Variants in ALDH18A1 observed in about 807,000 individuals in gnomAD.
ALDH18A1 encodes the protein delta-1-pyrroline-5-carboxylate synthase.
Under a neutral mutation model 88.8 loss-of-function variants are expected in ALDH18A1, and 44 were observed. The ratio of observed to expected loss-of-function variants is 0.50; its 90% confidence interval spans 0.39 to 0.64. ALDH18A1 has a LOEUF of 0.64. ALDH18A1 is among the 30% of genes least tolerant of loss of function. ALDH18A1 has a pLI of 0.00. For missense variants in ALDH18A1, 782 were observed against 1,009.5 expected, an observed-to-expected ratio of 0.77 and a Z score of 3.05; for synonymous variants, 331 against 372.1, an observed-to-expected ratio of 0.89 and a Z score of 1.27.
intron 2 of ALDH18A1, among the ~76,000 whole-genome samples, chr10:95,645,666 T>A (rs768386409): frequency 6.6e-6 from 1 of 152,166 alleles, no homozygotes; most frequent in South Asian, 2.1e-4. Context: ...TTCAGGTTTG[T>A]GGAGATATAA....
intron 5 of ALDH18A1, among the ~76,000 whole-genome samples, chr10:95,635,401 A>C (rs2097878766): frequency 6.6e-6 from 1 of 152,198 alleles, no homozygotes; most frequent in South Asian, 2.1e-4. Context: ...GGTAGGAGAT[A>C]AAGAGTCCCA....
At chr10:95,646,981 C>T (rs1048938092) in intron 2 of ALDH18A1, among the ~76,000 whole-genome samples, 1 of 152,188 alleles carries the variant, frequency 6.6e-6, no homozygotes, top group Non-Finnish European at 1.5e-5. Flanking sequence ...CCAGACATGA[C>T]TACTCTTTTT....
intron 7 of ALDH18A1, among the ~76,000 whole-genome samples, chr10:95,629,150 T>C (rs573484816): frequency 1.3e-5 from 2 of 152,226 alleles, no homozygotes; most frequent in East Asian, 3.9e-4. Flanking sequence ...CAATCCAAGA[T>C]GAAAAACCCT....
chr10:95,647,360 C>T (rs907024516), intron 2 of ALDH18A1, among the ~76,000 whole-genome samples: 5 of 152,170 alleles, frequency 3.3e-5, no homozygotes, highest in African/African-American at 1.2e-4. Flanking sequence ...CCTTAACTAT[C>T]TCATAAGGTT....
intron 2 of ALDH18A1, among the ~76,000 whole-genome samples, chr10:95,646,674 G>C (rs1252477253): frequency 6.6e-6 from 1 of 152,108 alleles, no homozygotes; most frequent in Non-Finnish European, 1.5e-5. Flanking sequence ...GCCTTGATTA[G>C]TTAGGAAAAT....
intron 13 of ALDH18A1, among the ~76,000 whole-genome samples, chr10:95,614,558 C>T (rs1302459630): frequency 6.6e-6 from 1 of 152,168 alleles, no homozygotes; most frequent in Non-Finnish European, 1.5e-5. Context: ...CCATGAAGAT[C>T]ACAAAAGGGA....
intron 3 of ALDH18A1, among the ~76,000 whole-genome samples, chr10:95,637,785 A>G (rs2097883604): frequency 6.6e-6 from 1 of 152,122 alleles, no homozygotes; most frequent in African/African-American, 2.4e-5. Context: ...CCCAGGCAAC[A>G]TGGCAAGACC....
At chr10:95,647,398 A>C (rs1370769713) in intron 2 of ALDH18A1, among the ~76,000 whole-genome samples, 1 of 152,238 alleles carries the variant, frequency 6.6e-6, no homozygotes, top group East Asian at 1.9e-4. Context: ...AAGTTCATGC[A>C]TGAACAGAGA....
rs368135503 is a variant in ALDH18A1, at chr10:95,611,229, G to A, written c.2110+27C>T. ...TCAGAAAGCAGCAAAGGCAGACACT[G>A]TATGCGGGAAGCATCTGGACACTGA... On this transcript the variant is annotated intron_variant, in intron 16 of 17. Coordinates refer to ENST00000371224, the MANE Select transcript of ALDH18A1 (RefSeq NM_002860.4). 9 of 1,612,944 alleles carry A rather than the reference G, an allele frequency of 5.6e-6. No individual in the cohort carries two copies. The African/African-American group carries it at 1.1e-4, about 19-fold the overall frequency.
chr10:95,638,869 C>T (rs984333997), intron 3 of ALDH18A1, among the ~76,000 whole-genome samples: 1 of 151,338 alleles, frequency 6.6e-6, no homozygotes, highest in Non-Finnish European at 1.5e-5. Context: ...TGATTTAAAA[C>T]AATAATAACT....
In ALDH18A1 at chr10:95,621,266, A is replaced by G. The variant is rs1264776697; in HGVS notation, c.1247-15T>C. On this transcript the variant is annotated splice_polypyrimidine_tract_variant and intron_variant, in intron 11 of 17. Coordinates refer to ENST00000371224, the MANE Select transcript of ALDH18A1 (RefSeq NM_002860.4). ...TGCAAGTCTCCCTGAAAAGCCATTA[A>G]GAGGATATGATAAAGTAGCAGACCT... The G allele has an allele frequency of 6.2e-7, 1 of 1,605,928 alleles. No homozygotes were observed. Among genetic ancestry groups the G allele is most frequent in the South Asian group, 1.1e-5 (1 of 90,286 alleles).
Position 95,616,718 on chromosome 10 carries a change from TCATTTTAGAAGG to T in ALDH18A1, c.1468-116_1468-105del, listed in dbSNP as rs1589492783. ...CCTTCTGTGCTAAGCACTGTGTTCA[TCATTTTAGAAGG>T]CCTATGCTGTTTCATCTTCACAACA... is the stretch of plus-strand genomic sequence containing the variant. On this transcript the variant is annotated intron_variant, in intron 12 of 17. Transcript: ENST00000371224. 10 of 1,443,852 alleles carry T rather than the reference TCATTTTAGAAGG, an allele frequency of 6.9e-6. No homozygotes were observed. In the East Asian group the frequency reaches 2.5e-4, roughly 35 times the overall value. The allele number at this position is 1,443,852 out of a possible 1,614,324, so 89.4% of individuals were successfully genotyped here.
intron 3 of ALDH18A1, among the ~76,000 whole-genome samples, chr10:95,637,754 A>C (rs1458976012): frequency 2.0e-5 from 3 of 152,178 alleles, no homozygotes; most frequent in Non-Finnish European, 4.4e-5. Flanking sequence ...ACAATGCCTG[A>C]GCCCAGGAGG....
intron 7 of ALDH18A1, 108 bp downstream of exon 7, chr10:95,632,851 A>G: frequency 1.0e-6 from 1 of 957,112 alleles, no homozygotes; most frequent in East Asian, 2.6e-5. Flanking sequence ...CTAATGATCT[A>G]TAGCAAAAAA....
chr10:95,646,712 C>T (rs2097901914), intron 2 of ALDH18A1, among the ~76,000 whole-genome samples: 1 of 152,124 alleles, frequency 6.6e-6, no homozygotes, highest in Admixed American at 6.6e-5. Context: ...ATAATTGTTT[C>T]CCATCTTCTA....
At chr10:95,641,099 T>C (rs1169134792) in intron 3 of ALDH18A1, among the ~76,000 whole-genome samples, 1 of 102,846 alleles carries the variant, frequency 9.7e-6, no homozygotes, top group Non-Finnish European at 2.4e-5. Context: ...ATTGCACAAC[T>C]GCAGGGGCAC....
intron 3 of ALDH18A1, among the ~76,000 whole-genome samples, chr10:95,639,892 A>T (rs765841805): frequency 6.7e-6 from 1 of 148,706 alleles, no homozygotes; most frequent in East Asian, 1.9e-4. Flanking sequence ...CTCTTTGTAT[A>T]CCCTATAAAC....
At chr10:95,635,450 G>A (rs1462922058) in intron 5 of ALDH18A1, among the ~76,000 whole-genome samples, 1 of 152,204 alleles carries the variant, frequency 6.6e-6, no homozygotes, top group African/African-American at 2.4e-5. Flanking sequence ...GCAATCTGTT[G>A]AGGGAAAATC....
At position 95,621,025 on chromosome 10, in the gene ALDH18A1, A is replaced by G; in HGVS notation, c.1467+6T>C. 1 of 1,613,870 alleles carries G rather than the reference A, an allele frequency of 6.2e-7. No individual in the cohort carries two copies. The highest frequency in any genetic ancestry group is 8.5e-7 in the Non-Finnish European group (1 of 1,179,798). On this transcript the variant is annotated splice_donor_region_variant and intron_variant, in intron 12 of 17. Coordinates refer to ENST00000371224, the MANE Select transcript of ALDH18A1 (RefSeq NM_002860.4). The stretch of plus-strand genomic sequence containing the variant: ...GGGTATTTATTCTCCCGGGGTATAT[A>G]CACACCTGGGGTAGACAGTCAGGAC...
Sources: gnomAD v4.1 joint callset for allele counts (sites outside exome capture counted in the v4.1 genomes callset) on GRCh38, gnomAD v4.1.1 for gene constraint, MANE v1.5 for transcripts, NCBI Gene and HGNC (gene_info 2026-07-23, HGNC 2026-07-21) for gene names.